LRP5: variants seen among roughly 807,000 people sequenced by gnomAD.
LRP5 encodes LDL receptor related protein 5.
In LRP5, 62 loss-of-function variants were observed where a neutral mutation model predicts 154.1. The observed-to-expected ratio is 0.40, with a 90% CI of 0.33 to 0.50. The LOEUF is 0.50. Ranked by LOEUF, LRP5 falls within the 20% of genes least tolerant of loss-of-function variation. The probability of loss-of-function intolerance (pLI) is 0.55; values close to 1 mark genes in which losing one functional copy is unlikely to be tolerated. For missense variants in LRP5, 1,915 were observed against 2,336.7 expected (o/e 0.82, Z 3.72); for synonymous variants, 966 against 1,011.5 (o/e 0.96, Z 0.85).
At chr11:68,422,361 C>T (rs905238996) in intron 13 of LRP5, among the ~76,000 whole-genome samples, 9 of 152,320 alleles carry the variant, frequency 5.9e-5, no homozygotes, top group East Asian at 1.9e-4. Flanking sequence ...GGAGCTTTTC[C>T]TTCAGGCCTG....
At chr11:68,435,223 T>C (rs375624643) in intron 18 of LRP5, among the ~76,000 whole-genome samples, 2 of 152,344 alleles carry the variant, frequency 1.3e-5, no homozygotes, top group African/African-American at 2.4e-5. Flanking sequence ...TGGCCCAGCA[T>C]GTGCTGTGTG....
intron 1 of LRP5, among the ~76,000 whole-genome samples, chr11:68,340,870 C>T (rs1007354549): frequency 9.9e-5 from 15 of 152,056 alleles, no homozygotes; most frequent in Non-Finnish European, 2.1e-4. Flanking sequence ...TCTTTGTCTC[C>T]GCTGGTGCTT....
intron 10 of LRP5, among the ~76,000 whole-genome samples, chr11:68,410,652 C>T (rs2098658929): frequency 6.6e-6 from 1 of 152,238 alleles, no homozygotes; most frequent in Admixed American, 6.5e-5. Flanking sequence ...GCTTAGGACC[C>T]ACCTCGAGAG....
chr11:68,429,484 A>T, intron 16 of LRP5, 91 bp from the exon 17 acceptor site: 1 of 1,556,400 alleles, frequency 6.4e-7, no homozygotes, highest in South Asian at 1.1e-5. Context: ...GCCAGTTCTC[A>T]TGAGTTCTCA....
intron 1 of LRP5, among the ~76,000 whole-genome samples, chr11:68,323,159 A>G (rs2098597690): frequency 6.6e-6 from 1 of 152,210 alleles, no homozygotes; most frequent in Admixed American, 6.5e-5. Flanking sequence ...CCCAGGCTTG[A>G]GTGCAGTAGC....
At chr11:68,341,857 C>A (rs535043279) in intron 1 of LRP5, among the ~76,000 whole-genome samples, 1 of 152,188 alleles carries the variant, frequency 6.6e-6, no homozygotes, top group Admixed American at 6.5e-5. Flanking sequence ...ACTAAGGTGT[C>A]CTTATTGGCT....
intron 1 of LRP5, among the ~76,000 whole-genome samples, chr11:68,314,317 G>T (rs745504196): frequency 3.3e-5 from 5 of 152,132 alleles, no homozygotes; most frequent in Non-Finnish European, 7.4e-5. Flanking sequence ...GAGCCCCTGA[G>T]GAGAAAGAAT....
chr11:68,326,017 C>G (rs1338528212), intron 1 of LRP5, among the ~76,000 whole-genome samples: 3 of 152,260 alleles, frequency 2.0e-5, no homozygotes, highest in Admixed American at 1.3e-4. Flanking sequence ...CCGAAACCAT[C>G]TCAGCTCTGC....
At chr11:68,300,124 G>A in the LRP5 span, among the ~76,000 whole-genome samples, 4 of 148,434 alleles carry the variant, frequency 2.7e-5, no homozygotes, top group African/African-American at 7.3e-5. Flanking sequence ...CTCATGATCC[G>A]CCCACCTTGG....
At position 68,363,924 on chromosome 11, in the gene LRP5, C is replaced by T. The variant is rs1260425864; in HGVS notation, c.864C>T (p.Ser288=). 6.2e-7 allele frequency: 1 copy of T among 1,611,414 alleles called. No homozygotes were observed. The highest frequency in any genetic ancestry group is 8.5e-7 in the Non-Finnish European group (1 of 1,179,206). The change falls in exon 4 of 23, where the codon AGC becomes AGT. Residue 288 remains serine, a synonymous_variant. Transcript: ENST00000294304. ...LYSPMDIQVL[S]QERQPFFHTR... ...CACCCATGGACATCCAGGTGCTGAG[C>T]CAGGAGCGGCAGCCTTTCTGTGAGT...
Position 68,373,285 on chromosome 11 carries a change from A to G in LRP5, c.1015+7583A>G, listed in dbSNP as rs145519349. On this transcript the variant is annotated intron_variant, in intron 5 of 22. Transcript: ENST00000294304. ...GTGTAGGGAGTCAGGTGCCTTCCCC[A>G]AGGAAGGGGCTGAGAGGGTGGTCAC... is the stretch of plus-strand genomic sequence containing the variant. Among the ~76,000 whole-genome samples the G allele has an allele frequency of 8.0e-3, 1,220 of 152,218 alleles. 13 individuals are homozygous for G. Among genetic ancestry groups the G allele is most frequent in the African/African-American group, 0.027 (1,116 of 41,534 alleles).
chr11:68,359,790 GTTTT>G (rs769629929), intron 3 of LRP5, among the ~76,000 whole-genome samples: 2 of 138,390 alleles, frequency 1.4e-5, no homozygotes, highest in East Asian at 2.1e-4. Flanking sequence ...TTGTTTGTTT[GTTTT>G]TTTTTTTTTT....
chr11:68,313,379 C>G (rs1278152778), intron 1 of LRP5, among the ~76,000 whole-genome samples: 1 of 152,114 alleles, frequency 6.6e-6, no homozygotes, highest in Non-Finnish European at 1.5e-5. Flanking sequence ...CCCGGGCGAC[C>G]CGAATGCCCC....
chr11:68,358,061 C>T (rs923800973), intron 3 of LRP5, among the ~76,000 whole-genome samples: 18 of 151,914 alleles, frequency 1.2e-4, no homozygotes, highest in African/African-American at 4.4e-4. Flanking sequence ...CACGTTCATT[C>T]TAAGTAGGGC....
Position 68,406,571 on chromosome 11 carries a change from T to G in LRP5, c.1849T>G (p.Phe617Val), listed in dbSNP as rs367619965. 6.2e-7 allele frequency: 1 copy of G among 1,614,078 alleles called. No homozygotes were observed. The highest frequency in any genetic ancestry group is 1.3e-5 in the African/African-American group (1 of 74,930). Residue 617 changes from phenylalanine (F) to valine (V), a missense_variant, in exon 9 of 23, where the codon TTC becomes GTC. Physicochemically the swap from Phe to Val is conservative, Grantham distance 50. This residue lies in a region of LRP5 where 773 missense variants were observed against 1,100.9 expected (regional missense o/e 0.70). Transcript: ENST00000294304. The stretch of plus-strand genomic sequence containing the variant: ...GAACGGGGGGTGCAGCCACCTGTGC[T>G]TCTTCACACCCCACGCAACCCGGTG... ...DRNGGCSHLC[F>V]FTPHATRCGC... is the part of the protein sequence containing the mutation.
chr11:68,396,417 T>C (rs2098649399), intron 7 of LRP5, among the ~76,000 whole-genome samples: 2 of 152,006 alleles, frequency 1.3e-5, no homozygotes, highest in South Asian at 4.2e-4. Flanking sequence ...AGCTGGGCGC[T>C]AGGAGGAAGG....
intron 1 of LRP5, among the ~76,000 whole-genome samples, chr11:68,317,830 T>G (rs1054403590): frequency 1.5e-4 from 23 of 152,094 alleles, no homozygotes; most frequent in African/African-American, 4.8e-4. Flanking sequence ...GGCAAGAGCC[T>G]TATTTTCTAA....
chr11:68,343,975 C>T (rs528024891), intron 1 of LRP5, among the ~76,000 whole-genome samples: 22 of 152,240 alleles, frequency 1.4e-4, no homozygotes, highest in African/African-American at 5.3e-4. Context: ...GTTGGGGTGC[C>T]TGCAGGCTGG....
chr11:68,413,324 C>T lies in LRP5; in HGVS notation c.2504-365C>T, dbSNP rs1359925662. ...CCTCGGTACGTGTTTTGGACTTAAA[C>T]GCTCCGGATGTTTACTGAGTGCTTG... On this transcript the variant is annotated intron_variant, in intron 11 of 22. Transcript: ENST00000294304. The surrounding 1 kb of genome is among the most constrained non-coding windows in gnomAD (Gnocchi z 5.1). The T allele has an allele frequency of 2.0e-5, 8 of 401,880 alleles. No homozygotes were observed. Among genetic ancestry groups the T allele is most frequent in the African/African-American group, 8.0e-5 (4 of 50,044 alleles). 24.9% of individuals were successfully genotyped at this position (401,880 alleles called of 1,614,324 possible).
Sources: gnomAD v4.1 joint callset for allele counts (sites outside exome capture counted in the v4.1 genomes callset) on GRCh38, gnomAD v4.1.1 for gene constraint, gnomAD v4.1.1 regional missense constraint, Gnocchi (gnomAD v3.1) non-coding constraint, MANE v1.5 for transcripts, NCBI Gene and HGNC (gene_info 2026-07-23, HGNC 2026-07-21) for gene names.